PDE4B: variants seen among roughly 807,000 people sequenced by gnomAD.
PDE4B encodes the protein 3',5'-cyclic-AMP phosphodiesterase 4B.
In PDE4B, 20 loss-of-function variants were observed where a neutral mutation model predicts 82.2. That is an observed-to-expected ratio of 0.24 (90% CI 0.17 to 0.35). PDE4B has a LOEUF of 0.35. PDE4B is among the 10% of genes least tolerant of loss of function. The pLI is 1.00. For missense variants in PDE4B, 655 were observed against 907.2 expected (o/e 0.72, Z 3.57); for synonymous variants, 320 against 318.9 (o/e 1.00, Z -0.04).
chr1:66,317,802 G>A (rs1448844945), intron 7 of PDE4B, among the ~76,000 whole-genome samples: 1 of 152,184 alleles, frequency 6.6e-6, no homozygotes, highest in Admixed American at 6.5e-5. Context: ...GGAGGCTGAT[G>A]TAGGAGGATC....
chr1:66,009,905 T>TTATCTATCTGTCTATCTATC (rs1553132013), intron 3 of PDE4B, among the ~76,000 whole-genome samples: 2 of 130,474 alleles, frequency 1.5e-5, no homozygotes, highest in Non-Finnish European at 3.2e-5. Flanking sequence ...ATCTGTATCT[T>TTATCTATCTGTCTATCTATC]TATCTATCTA....
chr1:66,362,531 G>T (rs1662862913), intron 10 of PDE4B, among the ~76,000 whole-genome samples: 1 of 152,134 alleles, frequency 6.6e-6, no homozygotes, highest in South Asian at 2.1e-4. Flanking sequence ...TCTTACTCTG[G>T]ATAGTTACTA....
chr1:66,159,190 C>T (rs373142081), intron 3 of PDE4B, among the ~76,000 whole-genome samples: 52 of 151,982 alleles, frequency 3.4e-4, no homozygotes, highest in Non-Finnish European at 6.6e-4. Context: ...TGGAACATCA[C>T]ACTTACCCCA....
chr1:66,239,739 A>G (rs1360379347), intron 3 of PDE4B, among the ~76,000 whole-genome samples: 2 of 152,228 alleles, frequency 1.3e-5, no homozygotes, highest in South Asian at 2.1e-4. Flanking sequence ...ACTCCTAAGC[A>G]TTTGAAACAA....
At chr1:66,016,535 A>T (rs1238661364) in intron 3 of PDE4B, among the ~76,000 whole-genome samples, 1 of 152,186 alleles carries the variant, frequency 6.6e-6, no homozygotes, top group Non-Finnish European at 1.5e-5. Context: ...TTAGAGATAA[A>T]AATTGTACAA....
intron 1 of PDE4B, among the ~76,000 whole-genome samples, chr1:65,797,109 C>T (rs551776863): frequency 4.6e-5 from 7 of 151,888 alleles, no homozygotes; most frequent in South Asian, 2.1e-4. Context: ...CCCGCCACCA[C>T]GCCTGGCTAA....
At chr1:66,131,373 T>A (rs74084630) in intron 3 of PDE4B, among the ~76,000 whole-genome samples, 2,361 of 151,390 alleles carry the variant, frequency 0.016, 54 homozygotes, top group African/African-American at 0.055. Context: ...AATTGGAAGA[T>A]CAAAATAAAG....
intron 3 of PDE4B, among the ~76,000 whole-genome samples, chr1:66,204,252 C>A (rs962238628): frequency 6.6e-6 from 1 of 152,216 alleles, no homozygotes; most frequent in African/African-American, 2.4e-5. Flanking sequence ...TGTCAGTCTG[C>A]CCCTACTGGG....
intron 3 of PDE4B, among the ~76,000 whole-genome samples, chr1:66,063,972 T>C (rs1655713237): frequency 6.6e-6 from 1 of 151,928 alleles, no homozygotes; most frequent in Admixed American, 6.6e-5. Context: ...TACTGAACAT[T>C]ATAATAATGT....
chr1:66,049,716 G>C (rs181373650), intron 3 of PDE4B, among the ~76,000 whole-genome samples: 1 of 152,020 alleles, frequency 6.6e-6, no homozygotes, highest in Non-Finnish European at 1.5e-5. Flanking sequence ...CCCATTTGCA[G>C]TGTGGTATGG....
At chr1:65,882,795 CAT>C (rs1057278849) in intron 1 of PDE4B, among the ~76,000 whole-genome samples, 13 of 151,890 alleles carry the variant, frequency 8.6e-5, no homozygotes, top group Admixed American at 3.3e-4. Context: ...TGAACACAAA[CAT>C]GTTTTAAAAT....
chr1:66,104,253 G>A (rs1168169404), intron 3 of PDE4B, among the ~76,000 whole-genome samples: 1 of 151,942 alleles, frequency 6.6e-6, no homozygotes, highest in Non-Finnish European at 1.5e-5. Context: ...CCATGTCCCT[G>A]CAAAGGACAT....
chr1:65,987,352 ACAT>A (rs1651008283), intron 3 of PDE4B, among the ~76,000 whole-genome samples: 1 of 152,208 alleles, frequency 6.6e-6, no homozygotes, highest in Non-Finnish European at 1.5e-5. Context: ...TGAGGTATTC[ACAT>A]CATCTTATAA....
chr1:66,315,612 C>G (rs546002842), intron 7 of PDE4B, among the ~76,000 whole-genome samples: 10 of 151,996 alleles, frequency 6.6e-5, no homozygotes, highest in Admixed American at 1.3e-4. Flanking sequence ...CACGCCACCA[C>G]GCCGGGCTAA....
chr1:65,857,724 G>T (rs1391366319), intron 1 of PDE4B, among the ~76,000 whole-genome samples: 1 of 152,066 alleles, frequency 6.6e-6, no homozygotes, highest in Non-Finnish European at 1.5e-5. Context: ...CATCTCTGTT[G>T]CCAAAAACAC....
chr1:66,104,804 C>A (rs1224101345), intron 3 of PDE4B, among the ~76,000 whole-genome samples: 117 of 148,834 alleles, frequency 7.9e-4, no homozygotes, highest in African/African-American at 2.5e-3. Context: ...TTTTCTTGTA[C>A]ATTTGTTTGA....
chr1:66,154,917 G>A (rs1206588736), intron 3 of PDE4B, among the ~76,000 whole-genome samples: 1 of 152,166 alleles, frequency 6.6e-6, no homozygotes, highest in Admixed American at 6.5e-5. Flanking sequence ...GGCTGGCACA[G>A]TGTGTAATCT....
intron 3 of PDE4B, among the ~76,000 whole-genome samples, chr1:66,177,915 C>A (rs1359369618): frequency 1.3e-5 from 2 of 151,464 alleles, no homozygotes; most frequent in Non-Finnish European, 2.9e-5. Flanking sequence ...TAGTGAAATT[C>A]CAGTCACATC....
chr1:66,362,731 G>C (rs370247393), intron 10 of PDE4B, among the ~76,000 whole-genome samples: 26 of 152,218 alleles, frequency 1.7e-4, no homozygotes, highest in African/African-American at 6.0e-4. Context: ...GAGTCTTCCT[G>C]ATCTGGCCTT....
Sources: allele counts gnomAD v4.1 joint callset (sites outside exome capture counted in the v4.1 genomes callset), GRCh38; gene constraint gnomAD v4.1.1; transcripts MANE v1.5; gene names NCBI Gene and HGNC (gene_info 2026-07-23, HGNC 2026-07-21).